The following LRRTM4 variants were observed in gnomAD, a reference collection of about 807,000 sequenced individuals.
LRRTM4 encodes the protein leucine rich repeat transmembrane neuronal 4, also known as leucine-rich repeat transmembrane neuronal protein 4.
Under a neutral mutation model 47.6 loss-of-function variants are expected in LRRTM4, and 25 were observed. That is an observed-to-expected ratio of 0.53 (90% CI 0.38 to 0.73). The LOEUF (loss-of-function observed/expected upper bound fraction) is 0.73, where lower values mean the gene tolerates loss of function less well. Ranked by LOEUF, LRRTM4 falls within the 30% of genes least tolerant of loss-of-function variation. The probability of loss-of-function intolerance (pLI) is 0.00; values close to 1 mark genes in which losing one functional copy is unlikely to be tolerated. For missense variants in LRRTM4, 638 were observed against 713.4 expected (o/e 0.89, Z 1.20); for synonymous variants, 311 against 269.5 (o/e 1.15, Z -1.51).
At chr2:77,308,769 T>C (rs1677361662) in intron 3 of LRRTM4, among the ~76,000 whole-genome samples, 1 of 152,152 alleles carries the variant, frequency 6.6e-6, no homozygotes, top group South Asian at 2.1e-4. Flanking sequence ...TTTTTTGTTC[T>C]TTTGTTCTGT....
chr2:77,470,998 G>C (rs1292146731), intron 3 of LRRTM4, among the ~76,000 whole-genome samples: 1 of 151,982 alleles, frequency 6.6e-6, no homozygotes, highest in Non-Finnish European at 1.5e-5. Context: ...TAGTGTCTTG[G>C]TTTTAAACAT....
intron 3 of LRRTM4, among the ~76,000 whole-genome samples, chr2:77,072,609 C>A (rs1680191483): frequency 6.6e-6 from 1 of 151,796 alleles, no homozygotes; most frequent in African/African-American, 2.4e-5. Context: ...ACCAGCCTGG[C>A]CAACATGACG....
chr2:77,301,624 C>A (rs1275016602), intron 3 of LRRTM4, among the ~76,000 whole-genome samples: 1 of 152,178 alleles, frequency 6.6e-6, no homozygotes, highest in Non-Finnish European at 1.5e-5. Context: ...GAGAGTTGAA[C>A]TATAATTGCA....
chr2:76,994,583 T>TGCCAATAA (rs1677133690), intron 3 of LRRTM4, among the ~76,000 whole-genome samples: 1 of 151,882 alleles, frequency 6.6e-6, no homozygotes, highest in South Asian at 2.1e-4. Flanking sequence ...CCTATTTGCT[T>TGCCAATAA]GTAAATAGGA....
At chr2:77,306,897 A>ATTTT (rs774697360) in intron 3 of LRRTM4, among the ~76,000 whole-genome samples, 15 of 112,418 alleles carry the variant, frequency 1.3e-4, no homozygotes, top group South Asian at 1.2e-3. Flanking sequence ...GCTTTTCCAT[A>ATTTT]TTTTTTTTTT....
intron 3 of LRRTM4, among the ~76,000 whole-genome samples, chr2:77,437,674 T>C (rs1376795371): frequency 1.3e-5 from 2 of 152,264 alleles, no homozygotes; most frequent in East Asian, 1.9e-4. Context: ...AATTGAATCA[T>C]GTTTGATAGA....
intron 3 of LRRTM4, among the ~76,000 whole-genome samples, chr2:77,381,045 CT>C (rs1408007407): frequency 6.6e-6 from 1 of 151,858 alleles, no homozygotes; most frequent in Non-Finnish European, 1.5e-5. Flanking sequence ...TCTAATTTTT[CT>C]TTTTTGAATT....
chr2:76,839,543 T>G lies in LRRTM4; in HGVS notation c.1552-90627A>C, dbSNP rs557332262. 2.6e-5 allele frequency among the ~76,000 whole-genome samples: 4 copies of G among 152,248 alleles called. No homozygotes were observed. The South Asian group carries it at 8.3e-4, about 32-fold the overall frequency. On this transcript the variant is annotated intron_variant, in intron 3 of 3. Transcript: ENST00000409884. ...AAATCTATTAAGCCTCAGTTGCATA[T>G]CAAGCCAACCTGCTAGCTCATTTTG... is the stretch of plus-strand genomic sequence containing the variant.
At chr2:77,138,550 CAATT>C (rs2103752825) in intron 3 of LRRTM4, among the ~76,000 whole-genome samples, 1 of 152,108 alleles carries the variant, frequency 6.6e-6, no homozygotes, top group Admixed American at 6.6e-5. Context: ...CTTAACATCA[CAATT>C]AAAAAGAGCT....
At chr2:76,899,493 G>A (rs1673548102) in intron 3 of LRRTM4, among the ~76,000 whole-genome samples, 1 of 152,014 alleles carries the variant, frequency 6.6e-6, no homozygotes, top group African/African-American at 2.4e-5. Context: ...ACAAAGAATA[G>A]AAAGAGGTGA....
chr2:77,370,601 A>T (rs947543918), intron 3 of LRRTM4, among the ~76,000 whole-genome samples: 7 of 151,382 alleles, frequency 4.6e-5, no homozygotes, highest in African/African-American at 1.7e-4. Context: ...ATGTCTGTGG[A>T]TGACTAGCCA....
At chr2:77,410,565 T>A (rs1468926018) in intron 3 of LRRTM4, among the ~76,000 whole-genome samples, 1 of 152,106 alleles carries the variant, frequency 6.6e-6, no homozygotes, top group African/African-American at 2.4e-5. Flanking sequence ...GAAAGTACAT[T>A]GAGGATGGGG....
At chr2:77,387,904 C>A (rs932135880) in intron 3 of LRRTM4, among the ~76,000 whole-genome samples, 1 of 151,992 alleles carries the variant, frequency 6.6e-6, no homozygotes, top group African/African-American at 2.4e-5. Flanking sequence ...TTACATTCCA[C>A]TTCATTGATA....
At chr2:77,382,451 T>A (rs1673098374) in intron 3 of LRRTM4, among the ~76,000 whole-genome samples, 4 of 152,064 alleles carry the variant, frequency 2.6e-5, no homozygotes, top group Admixed American at 2.0e-4. Context: ...AAATTGTAAG[T>A]CAGTGGGCCT....
At chr2:77,521,556 G>A in intron 2 of LRRTM4, 112 bp downstream of exon 2, 1 of 1,235,684 alleles carries the variant, frequency 8.1e-7, no homozygotes, top group Admixed American at 1.9e-5. Flanking sequence ...CAAACTCAAA[G>A]GCTGCTGCTC....
chr2:77,098,544 G>T (rs1670869048), intron 3 of LRRTM4, among the ~76,000 whole-genome samples: 1 of 151,908 alleles, frequency 6.6e-6, no homozygotes, highest in Non-Finnish European at 1.5e-5. Context: ...CTTTAAAATT[G>T]GTAGGAATAA....
intron 3 of LRRTM4, among the ~76,000 whole-genome samples, chr2:76,847,881 T>G (rs1671884073): frequency 6.6e-6 from 1 of 152,144 alleles, no homozygotes; most frequent in Admixed American, 6.6e-5. Flanking sequence ...CTTCCTTGCA[T>G]ATACAAGTGA....
At chr2:76,985,035 A>G (rs1204015459) in intron 3 of LRRTM4, among the ~76,000 whole-genome samples, 1 of 152,012 alleles carries the variant, frequency 6.6e-6, no homozygotes, top group African/African-American at 2.4e-5. Flanking sequence ...AAGTTTTTTT[A>G]AAGTATTAAT....
At chr2:76,795,029 T>G (rs1675196244) in intron 3 of LRRTM4, among the ~76,000 whole-genome samples, 1 of 151,748 alleles carries the variant, frequency 6.6e-6, no homozygotes, top group African/African-American at 2.4e-5. Flanking sequence ...TTTATGCAAA[T>G]AAAGATACTT....
Sources: allele counts gnomAD v4.1 joint callset (sites outside exome capture counted in the v4.1 genomes callset), GRCh38; gene constraint gnomAD v4.1.1; transcripts MANE v1.5; gene names NCBI Gene and HGNC (gene_info 2026-07-23, HGNC 2026-07-21).